SDK1: variants seen among roughly 807,000 people sequenced by gnomAD.
SDK1 encodes the protein sidekick cell adhesion molecule 1, also known as protein sidekick-1.
Under a neutral mutation model 245.5 loss-of-function variants are expected in SDK1, and 157 were observed. That is an observed-to-expected ratio of 0.64 (90% CI 0.56 to 0.73). The LOEUF (loss-of-function observed/expected upper bound fraction) is 0.73. Among genes scored for constraint, SDK1 ranks in the 30% least tolerant of loss-of-function variants. The pLI is 0.00. For synonymous variants in SDK1, 1,647 were observed against 1,278.5 expected (o/e 1.29, Z -6.15); for missense variants, 3,583 against 3,002.3 (o/e 1.19, Z -4.52).
chr7:4,079,634 G>C, intron 22 of SDK1, 50 bp downstream of exon 22: 1 of 1,607,324 alleles, frequency 6.2e-7, no homozygotes, highest in Non-Finnish European at 8.5e-7. Context: ...AGCAGTGTTG[G>C]GGCCTGTGAA....
chr7:4,215,048 C>T (rs1784714681), intron 38 of SDK1, among the ~76,000 whole-genome samples: 1 of 152,236 alleles, frequency 6.6e-6, no homozygotes, highest in South Asian at 2.1e-4. Flanking sequence ...CAAATGCCAG[C>T]AGAGCCTCGG....
At chr7:3,303,239 A>G (rs777073986) in intron 1 of SDK1, among the ~76,000 whole-genome samples, 3 of 152,214 alleles carry the variant, frequency 2.0e-5, no homozygotes, top group Non-Finnish European at 2.9e-5. Context: ...CATTTTGTAC[A>G]GTGGGATCTG....
intron 1 of SDK1, among the ~76,000 whole-genome samples, chr7:3,469,624 A>T (rs1781121074): frequency 6.6e-6 from 1 of 152,140 alleles, no homozygotes. Context: ...GCTTTTCCTT[A>T]TCCAATGACC....
chr7:3,511,532 ACT>A (rs1782577704), intron 1 of SDK1, among the ~76,000 whole-genome samples: 1 of 151,952 alleles, frequency 6.6e-6, no homozygotes, highest in African/African-American at 2.4e-5. Context: ...AAATTGTCAG[ACT>A]CTGTTAAATG....
At chr7:3,646,963 G>A (rs6958708) in intron 4 of SDK1, among the ~76,000 whole-genome samples, 1 of 152,180 alleles carries the variant, frequency 6.6e-6, no homozygotes, top group Admixed American at 6.5e-5. Flanking sequence ...AGGAGGGAGT[G>A]GGGAGTTATG....
At chr7:3,421,581 C>A (rs1490712445) in intron 1 of SDK1, among the ~76,000 whole-genome samples, 1 of 152,144 alleles carries the variant, frequency 6.6e-6, no homozygotes, top group African/African-American at 2.4e-5. Context: ...GAGCTGCTAT[C>A]TGTAAACTAA....
At chr7:4,065,388 A>C (rs1779807930) in intron 19 of SDK1, among the ~76,000 whole-genome samples, 1 of 152,202 alleles carries the variant, frequency 6.6e-6, no homozygotes, top group Admixed American at 6.5e-5. Context: ...TTTTAAGCTG[A>C]GACATCGCCA....
At chr7:3,679,702 A>G (rs1784038312) in intron 4 of SDK1, among the ~76,000 whole-genome samples, 1 of 152,214 alleles carries the variant, frequency 6.6e-6, no homozygotes, top group Admixed American at 6.5e-5. Context: ...CCACAATGAG[A>G]TTTCACTTCC....
intron 5 of SDK1, among the ~76,000 whole-genome samples, chr7:3,870,773 C>T (rs1483565463): frequency 6.6e-6 from 1 of 152,052 alleles, no homozygotes; most frequent in Admixed American, 6.6e-5. Flanking sequence ...TAGATTTTAC[C>T]CATTTTTCCA....
intron 1 of SDK1, among the ~76,000 whole-genome samples, chr7:3,336,234 C>T (rs1413334365): frequency 1.3e-5 from 2 of 152,192 alleles, no homozygotes; most frequent in African/African-American, 4.8e-5. Flanking sequence ...CTTCGGTTCC[C>T]CACCCAGAGG....
rs115237314 is a variant in SDK1, at chr7:3,647,732, G to A, written c.713+5627G>A. Among the ~76,000 whole-genome samples the A allele has an allele frequency of 2.0e-3, 308 of 152,128 alleles. 4 individuals carry two copies. Among genetic ancestry groups the A allele is most frequent in the African/African-American group, 7.3e-3 (303 of 41,490 alleles). ...GACCACCGTGCCCGGCCAGTTTTAG[G>A]TGGTTTTGACCACCTAAAATGTTTT... On this transcript the variant is annotated intron_variant, in intron 4 of 44. Coordinates refer to ENST00000404826, the MANE Select transcript of SDK1 (RefSeq NM_152744.4).
Position 4,049,478 on chromosome 7 carries a change from T to C in SDK1, c.2718+15T>C. 1 of 1,582,534 alleles carries C rather than the reference T, an allele frequency of 6.3e-7. No individual in the cohort carries two copies. On this transcript the variant is annotated intron_variant, in intron 18 of 44. Coordinates refer to ENST00000404826, the MANE Select transcript of SDK1 (RefSeq NM_152744.4). ...AGGGATACAAGGTACGTGGCCTGGG[T>C]TCAGGGCCTGTGGGCAGCTGTCATT...
At chr7:3,918,763 C>G (rs964489177) in intron 5 of SDK1, among the ~76,000 whole-genome samples, 1 of 152,168 alleles carries the variant, frequency 6.6e-6, no homozygotes, top group South Asian at 2.1e-4. Context: ...CCACTCAGGT[C>G]TCTGCAGGAA....
At chr7:3,448,184 G>C (rs1432921454) in intron 1 of SDK1, among the ~76,000 whole-genome samples, 24 of 152,008 alleles carry the variant, frequency 1.6e-4, no homozygotes, top group Admixed American at 1.6e-3. Flanking sequence ...AACAGCACTA[G>C]GTGTTATCAC....
chr7:3,347,252 A>G (rs1427836433), intron 1 of SDK1, among the ~76,000 whole-genome samples: 1 of 151,982 alleles, frequency 6.6e-6, no homozygotes, highest in Non-Finnish European at 1.5e-5. Flanking sequence ...GCAATTTTGT[A>G]GTACTCTGAC....
rs112854279 is a variant in SDK1 at position 3,640,989 on chromosome 7, T to A, written c.566-969T>A. On this transcript the variant is annotated intron_variant, in intron 3 of 44. Transcript: ENST00000404826. The stretch of plus-strand genomic sequence containing the variant: ...GAGCCACTGTGCTCTGCGTTTAGAT[T>A]TTTTTTTTTTAATCTTTCTTTTCTC... Among the ~76,000 whole-genome samples, 873 of 149,114 alleles carry A rather than the reference T, an allele frequency of 5.9e-3. 13 individuals carry two copies. Among genetic ancestry groups the A allele is most frequent in the African/African-American group, 0.02 (830 of 40,794 alleles).
intron 4 of SDK1, among the ~76,000 whole-genome samples, chr7:3,711,242 A>G (rs73672154): frequency 6.6e-6 from 1 of 152,300 alleles, no homozygotes; most frequent in African/African-American, 2.4e-5. Flanking sequence ...AGTGAGAATA[A>G]TCTTCTTTAA....
chr7:4,087,489 A>G (rs1010039642), intron 22 of SDK1, among the ~76,000 whole-genome samples: 1 of 151,574 alleles, frequency 6.6e-6, no homozygotes, highest in Non-Finnish European at 1.5e-5. Flanking sequence ...GCACACACAC[A>G]CACACACACG....
chr7:4,089,765 A>G (rs910986554), intron 22 of SDK1, among the ~76,000 whole-genome samples: 2 of 152,230 alleles, frequency 1.3e-5, no homozygotes, highest in African/African-American at 4.8e-5. Flanking sequence ...CTTTGATTTC[A>G]AAAGTGTTTT....
Sources: gnomAD v4.1 joint callset for allele counts (sites outside exome capture counted in the v4.1 genomes callset) on GRCh38, gnomAD v4.1.1 for gene constraint, MANE v1.5 for transcripts, NCBI Gene and HGNC (gene_info 2026-07-23, HGNC 2026-07-21) for gene names.